Variants in PCED1A observed in about 807,000 individuals in gnomAD.
The protein encoded by PCED1A is PC-esterase domain containing 1A.
Under a neutral mutation model 41.9 loss-of-function variants are expected in PCED1A, and 20 were observed. The ratio of observed to expected loss-of-function variants is 0.48; its 90% confidence interval spans 0.34 to 0.69. The LOEUF (loss-of-function observed/expected upper bound fraction) is 0.69. Among genes scored for constraint, PCED1A ranks in the 30% least tolerant of loss-of-function variants. PCED1A has a pLI of 0.01. For missense variants in PCED1A, 498 were observed against 602.1 expected (o/e 0.83, Z 1.81); for synonymous variants, 236 against 241.3 (o/e 0.98, Z 0.20).
At position 2,838,519 on chromosome 20, in the gene PCED1A, G is replaced by A. The variant is rs755409219; in HGVS notation, c.595-41C>T. ...CAGCCTCTAAGAGCCACAGAACGCA[G>A]CAGGGTCTGAAAGCAGGGTGTCCTA... On this transcript the variant is annotated intron_variant, in intron 5 of 7. Transcript: ENST00000360652. This position sits in a 1 kb window ranked among gnomAD's most constrained non-coding sequence, Gnocchi z 5.8. 2.5e-6 allele frequency: 4 copies of A among 1,613,870 alleles called. No individual in the cohort carries two copies. In the African/African-American group the frequency reaches 5.3e-5, roughly 22 times the overall value.
At chr20:2,836,407 T>C in intron 6 of PCED1A, 93 bp from the exon 7 acceptor site, 1 of 1,151,194 alleles carries the variant, frequency 8.7e-7, no homozygotes. Context: ...TCCTTCCTCT[T>C]GGAGAGCAGA....
At chr20:2,839,538 C>T (rs2088908149) in intron 2 of PCED1A, among the ~76,000 whole-genome samples, 1 of 152,194 alleles carries the variant, frequency 6.6e-6, no homozygotes, top group African/African-American at 2.4e-5. Flanking sequence ...CAATGCAACG[C>T]TTTCGTGATG....
In PCED1A at chr20:2,838,665, G is replaced by C. The variant is rs144950307; in HGVS notation, c.525C>G (p.Ser175=). The C allele has an allele frequency of 6.2e-6, 10 of 1,614,094 alleles. No individual in the cohort carries two copies. Among genetic ancestry groups the C allele is most frequent in the Non-Finnish European group, 8.5e-6 (10 of 1,180,046 alleles). Residue 175 remains serine (S), a synonymous_variant, in exon 5 of 8, where the codon TCC becomes TCG. Coordinates refer to ENST00000360652, the MANE Select transcript of PCED1A (RefSeq NM_022760.6). The surrounding 1 kb of genome is among the most constrained non-coding windows in gnomAD (Gnocchi z 5.8). ...TCGCCATGTTCCACACCAGCAGGCA[G>C]GAGTCTGGCAATACTTGGTCCATGC... ...FVRMDQVLPD[S]CLLVWNMAMP... is the part of the protein sequence containing the mutation.
At chr20:2,836,714 TTCC>T (rs765455416) in intron 6 of PCED1A, among the ~76,000 whole-genome samples, 7 of 152,150 alleles carry the variant, frequency 4.6e-5, no homozygotes, top group South Asian at 2.1e-4. Flanking sequence ...CAATTTCCAC[TTCC>T]TCCTCAATTG....
chr20:2,836,278 G>A lies in PCED1A; in HGVS notation c.878C>T (p.Pro293Leu), dbSNP rs778967448. Residue 293 changes from proline to leucine, a missense_variant, in exon 7 of 8, where the codon CCA becomes CTA. This residue lies in a region of PCED1A where 245 missense variants were observed against 232.4 expected (regional missense o/e 1.05). Transcript: ENST00000360652. ...WIEDWAEMNH[P>L]FQGSHRQTPD... ...GGTCTGCCTATGGCTTCCCTGGAAT[G>A]GATGATTCATCTCTGCCCAGTCCTC... 1.9e-6 allele frequency: 3 copies of A among 1,614,150 alleles called. No homozygotes were observed. Among genetic ancestry groups the A allele is most frequent in the Non-Finnish European group, 2.5e-6 (3 of 1,180,014 alleles).
In PCED1A at chr20:2,838,943, C is replaced by G; in HGVS notation, c.344G>C (p.Arg115Pro). 6.2e-7 allele frequency: 1 copy of G among 1,614,036 alleles called. No individual in the cohort carries two copies. The highest frequency in any genetic ancestry group is 8.5e-7 in the Non-Finnish European group (1 of 1,180,030). Residue 115 changes from arginine to proline, a missense_variant, in exon 4 of 8, where the codon CGT becomes CCT. Physicochemically the swap from Arg to Pro is moderately radical, Grantham distance 103. Coordinates refer to ENST00000360652, the MANE Select transcript of PCED1A (RefSeq NM_022760.6). The surrounding 1 kb of genome is among the most constrained non-coding windows in gnomAD (Gnocchi z 5.8). ...HHLVRFYFLT[R>P]VYSEYLEDVL... ...ATCCTCAAGGTACTCGGAGTAAACACGAGTGAGGAAGTAGAAGCGCACAAG... is the reference window on the plus strand; with the variant it reads ...ATCCTCAAGGTACTCGGAGTAAACAGGAGTGAGGAAGTAGAAGCGCACAAG...
chr20:2,840,001 C>T lies in PCED1A; in HGVS notation c.-21-68G>A, dbSNP rs575537890. 80 of 1,464,156 alleles carry T rather than the reference C, an allele frequency of 5.5e-5. 1 individual carries two copies. The South Asian group carries it at 1.0e-3, about 19-fold the overall frequency. 90.7% of individuals were successfully genotyped at this position (1,464,156 alleles called of 1,614,324 possible). A position where few individuals can be genotyped will look rare whatever the true frequency, so the allele number is the denominator to read the frequency against. ...GGGCAGGTCAGCCTCAGGGCTAGCC[C>T]CTCCGGGGCTGCTCAATGCTAAAGG... On this transcript the variant is annotated intron_variant, in intron 1 of 7. Transcript: ENST00000360652.
chr20:2,840,736 T>A (rs1232123913), upstream of PCED1A: 2 of 1,546,190 alleles, frequency 1.3e-6, no homozygotes, highest in Admixed American at 3.9e-5. Flanking sequence ...TCTAGGTGGG[T>A]GTCCCCTCGG....
At chr20:2,840,128 A>T in intron 1 of PCED1A, 83 bp downstream of exon 1, 1 of 492,360 alleles carries the variant, frequency 2.0e-6, no homozygotes, top group Non-Finnish European at 3.4e-6. Flanking sequence ...GGCACTGGGG[A>T]GCTTCCCGCG....
chr20:2,839,077 C>T lies in PCED1A; in HGVS notation c.210G>A (p.Glu70=), dbSNP rs768891725. 6.2e-7 allele frequency: 1 copy of T among 1,608,214 alleles called. No individual in the cohort carries two copies. The highest frequency in any genetic ancestry group is 1.1e-5 in the South Asian group (1 of 90,914). The part of the protein sequence containing the change: ...LTAAQLKAKG[E]LSFEQDQLVA... ...CCAGCTGGTCCTGTTCAAAGCTCAG[C>T]TCCCCCTACCCACCCCCCCCACCCT... Residue 70 remains glutamate (E), a synonymous_variant, in exon 4 of 8, where the codon GAG becomes GAA. Coordinates refer to ENST00000360652, the MANE Select transcript of PCED1A (RefSeq NM_022760.6).
rs1449071922 is a variant in PCED1A at position 2,838,380 on chromosome 20, G to A, written c.693C>T (p.Leu231=). The A allele has an allele frequency of 6.2e-7, 1 of 1,614,252 alleles. No homozygotes were observed. Among genetic ancestry groups the A allele is most frequent in the African/African-American group, 1.3e-5 (1 of 75,062 alleles). Residue 231 remains leucine (L), a synonymous_variant, in exon 6 of 8, where the codon CTC becomes CTT. Coordinates refer to ENST00000360652, the MANE Select transcript of PCED1A (RefSeq NM_022760.6). The surrounding 1 kb of genome is among the most constrained non-coding windows in gnomAD (Gnocchi z 5.8). ...GTACTGCATGCCGGAAGTGAAAGTG[G>A]AGGTCTAGGACATCAAAGCAGTGGT... The part of the protein sequence containing the change: ...AGDHCFDVLD[L]HFHFRHAVQH...
upstream of PCED1A, chr20:2,840,723 C>A (rs2088955184): frequency 1.3e-6 from 2 of 1,534,666 alleles, no homozygotes; most frequent in Non-Finnish European, 1.8e-6. Flanking sequence ...GCCTGGAGCC[C>A]GCTCTAGGTG....
Position 2,835,650 on chromosome 20 carries a change from T to C in PCED1A, c.1177A>G (p.Asn393Asp), listed in dbSNP as rs1444485240. The change falls in exon 8 of 8, where the codon AAT (asparagine) becomes GAT (aspartate). Residue 393 changes from asparagine to aspartate, a missense_variant. Physicochemically the swap from Asn to Asp is conservative, Grantham distance 23 (BLOSUM62 1). This residue lies in a region of PCED1A where 245 missense variants were observed against 232.4 expected (regional missense o/e 1.05). Coordinates refer to ENST00000360652, the MANE Select transcript of PCED1A (RefSeq NM_022760.6). The stretch of plus-strand genomic sequence containing the variant: ...GGGCCCCAGTGCTGACCATGGGGAT[T>C]AGGGCCAGGGATTGGAGGTGGCAGA... Reference protein sequence around the residue: ...GPLPPPIPGPNPHGQHWGPVV... With the variant: ...GPLPPPIPGPDPHGQHWGPVV... 2.5e-6 allele frequency: 4 copies of C among 1,601,028 alleles called. No individual in the cohort carries two copies. The highest frequency in any genetic ancestry group is 3.3e-4 in the Middle Eastern group (2 of 6,036).
Position 2,840,458 on chromosome 20 carries a change from G to T in PCED1A, c.-269C>A. The T allele has an allele frequency of 2.2e-6, 1 of 450,360 alleles. No individual in the cohort carries two copies. The allele number at this position is 450,360 out of a possible 1,614,324, so 27.9% of individuals were successfully genotyped here. On this transcript the variant is annotated 5_prime_UTR_variant, in exon 1 of 8. Coordinates refer to ENST00000360652, the MANE Select transcript of PCED1A (RefSeq NM_022760.6). ...GGCGCCTCAGGCCTCGGCGCCTCGG[G>T]CTGCGACGCTCACAGCTTCCACTTC...
Position 2,837,024 on chromosome 20 carries a change from A to G in PCED1A, c.842-710T>C, listed in dbSNP as rs550206035. ...CTACTCTGTATTTCCAAAGAACCTC[A>G]AATCAATCTGCTGTGACCAAACTCA... On this transcript the variant is annotated intron_variant, in intron 6 of 7. Coordinates refer to ENST00000360652, the MANE Select transcript of PCED1A (RefSeq NM_022760.6). 2.0e-5 allele frequency among the ~76,000 whole-genome samples: 3 copies of G among 152,240 alleles called. No homozygotes were observed. The East Asian group carries it at 5.8e-4, about 29-fold the overall frequency.
At chr20:2,837,589 G>A (rs1006487650) in intron 6 of PCED1A, among the ~76,000 whole-genome samples, 2 of 152,180 alleles carry the variant, frequency 1.3e-5, no homozygotes, top group Non-Finnish European at 2.9e-5. Flanking sequence ...GCAGCAGAGT[G>A]TTACAGTTGA....
intron 7 of PCED1A, 146 bp from the exon 8 acceptor site, chr20:2,835,855 GA>G (rs2088819351): frequency 1.4e-6 from 2 of 1,454,458 alleles, no homozygotes; most frequent in Non-Finnish European, 1.8e-6. Context: ...TTCAGACGGT[GA>G]AACAGTGACA....
In PCED1A at chr20:2,840,527, G is replaced by A. The variant is rs1031760668; in HGVS notation, c.-338C>T. ...CCTGAGCGACCCCCAGTGCCCGAAGGGAAAGCAAGGCGATGGAGGTGGCCG... is the reference window on the plus strand; with the variant it reads ...CCTGAGCGACCCCCAGTGCCCGAAGAGAAAGCAAGGCGATGGAGGTGGCCG... On this transcript the variant is annotated 5_prime_UTR_variant, in exon 1 of 8. Coordinates refer to ENST00000360652, the MANE Select transcript of PCED1A (RefSeq NM_022760.6). 1.2e-5 allele frequency: 7 copies of A among 560,690 alleles called. No homozygotes were observed. The highest frequency in any genetic ancestry group is 4.0e-5 in the African/African-American group (2 of 49,450). 34.7% of individuals were successfully genotyped at this position (560,690 alleles called of 1,614,324 possible). A position where few individuals can be genotyped will look rare whatever the true frequency, so the allele number is the denominator to read the frequency against.
chr20:2,840,225 C>G lies in PCED1A; in HGVS notation c.-36G>C, dbSNP rs924383414. The G allele has an allele frequency of 7.2e-6, 2 of 277,034 alleles. No individual in the cohort carries two copies. Among genetic ancestry groups the G allele is most frequent in the African/African-American group, 4.5e-5 (2 of 44,752 alleles). 17.2% of individuals were successfully genotyped at this position (277,034 alleles called of 1,614,324 possible). On this transcript the variant is annotated 5_prime_UTR_variant, in exon 1 of 8. Transcript: ENST00000360652. The stretch of plus-strand genomic sequence containing the variant: ...GCGCCAATTACCAAGTCCCGGGGCT[C>G]CGCGGTGTTCACCCGCGACCCGGGT...
Sources: allele counts gnomAD v4.1 joint callset (sites outside exome capture counted in the v4.1 genomes callset), GRCh38; gene constraint gnomAD v4.1.1; regional missense constraint gnomAD v4.1.1; non-coding constraint Gnocchi (gnomAD v3.1); transcripts MANE v1.5; gene names NCBI Gene and HGNC (gene_info 2026-07-23, HGNC 2026-07-21).